SVIL: variants seen among roughly 807,000 people sequenced by gnomAD.
SVIL encodes supervillin, also known as archvillin.
A neutral mutation model predicts 240.4 loss-of-function variants in SVIL; 101 were observed. The observed-to-expected ratio is 0.42, with a 90% CI of 0.36 to 0.50. The LOEUF (loss-of-function observed/expected upper bound fraction) is 0.50. Ranked by LOEUF, SVIL falls within the 20% of genes least tolerant of loss-of-function variation. The pLI, the probability that SVIL is intolerant of heterozygous loss-of-function variation, is 0.01. For synonymous variants in SVIL, 999 were observed against 1,100.0 expected, an observed-to-expected ratio of 0.91 and a Z score of 1.82; for missense variants, 2,512 against 2,818.7, an observed-to-expected ratio of 0.89 and a Z score of 2.46.
At chr10:29,715,456 A>G (rs2132678664) in intron 1 of SVIL, among the ~76,000 whole-genome samples, 1 of 152,342 alleles carries the variant, frequency 6.6e-6, no homozygotes, top group East Asian at 1.9e-4. Context: ...ACCTCTGCCG[A>G]CAACATTCCC....
intron 1 of SVIL, among the ~76,000 whole-genome samples, chr10:29,716,772 T>C (rs574661564): frequency 1.3e-5 from 2 of 152,358 alleles, no homozygotes; most frequent in South Asian, 4.1e-4. Context: ...ATGGAACTGC[T>C]GAAAGAAATA....
chr10:29,689,378 G>A (rs367995837), intron 1 of SVIL, among the ~76,000 whole-genome samples: 15 of 152,018 alleles, frequency 9.9e-5, no homozygotes, highest in African/African-American at 3.4e-4. Flanking sequence ...TCCGCCTCCC[G>A]GGTTCATGTG....
intron 6 of SVIL, among the ~76,000 whole-genome samples, chr10:29,536,477 G>A (rs985891933): frequency 5.3e-5 from 8 of 152,146 alleles, no homozygotes; most frequent in Admixed American, 6.5e-5. Flanking sequence ...AAATGTATAA[G>A]CACATTTTGC....
At chr10:29,661,039 T>A (rs565246736) in intron 2 of SVIL, among the ~76,000 whole-genome samples, 1 of 152,154 alleles carries the variant, frequency 6.6e-6, no homozygotes, top group African/African-American at 2.4e-5. Context: ...TGGTGGCACA[T>A]GCCTGTAGTC....
chr10:29,732,971 G>A (rs1964704735), intron 1 of SVIL, among the ~76,000 whole-genome samples: 1 of 152,110 alleles, frequency 6.6e-6, no homozygotes, highest in Non-Finnish European at 1.5e-5. Context: ...GGCAAAACCA[G>A]GAGAAAAGCT....
intron 1 of SVIL, among the ~76,000 whole-genome samples, chr10:29,619,148 G>C (rs1957534323): frequency 6.6e-6 from 1 of 152,210 alleles, no homozygotes; most frequent in Non-Finnish European, 1.5e-5. Context: ...ACTGACAGAA[G>C]TCATTATGCG....
intron 6 of SVIL, among the ~76,000 whole-genome samples, chr10:29,536,780 G>A (rs559538997): frequency 6.6e-6 from 1 of 152,050 alleles, no homozygotes; most frequent in South Asian, 2.1e-4. Flanking sequence ...GTGTGGTAGT[G>A]GGCACCAGTA....
At chr10:29,701,060 A>G (rs1777305) in intron 1 of SVIL, among the ~76,000 whole-genome samples, 109,549 of 151,944 alleles carry the variant, frequency 0.72, 39,534 homozygotes, top group East Asian at 0.83. Flanking sequence ...TCATATTTGC[A>G]TGTTACAGTG....
chr10:29,554,309 T>TA (rs544036016), intron 5 of SVIL, among the ~76,000 whole-genome samples: 98 of 150,956 alleles, frequency 6.5e-4, no homozygotes, highest in African/African-American at 2.3e-3. Context: ...ACTCTGTCTC[T>TA]AAAAAAAATA....
At chr10:29,660,370 A>T (rs1214939353) in intron 2 of SVIL, among the ~76,000 whole-genome samples, 1 of 152,142 alleles carries the variant, frequency 6.6e-6, no homozygotes, top group Non-Finnish European at 1.5e-5. Context: ...CCAGCACTTT[A>T]GGAGGCCAAA....
chr10:29,546,122 A>T (rs994909722), intron 6 of SVIL, among the ~76,000 whole-genome samples: 4 of 152,220 alleles, frequency 2.6e-5, no homozygotes, highest in African/African-American at 9.6e-5. Context: ...AATTTCTAGT[A>T]GTAGAAGCTC....
chr10:29,601,469 CTT>C (rs1228403101), intron 1 of SVIL, among the ~76,000 whole-genome samples: 1 of 152,244 alleles, frequency 6.6e-6, no homozygotes, highest in African/African-American at 2.4e-5. Flanking sequence ...CATCTAGCCA[CTT>C]TTGTCCCCAG....
At chr10:29,715,812 T>C (rs1963578503) in intron 1 of SVIL, among the ~76,000 whole-genome samples, 1 of 152,244 alleles carries the variant, frequency 6.6e-6, no homozygotes. Flanking sequence ...CATCTAGTTA[T>C]TGATACAAGG....
intron 16 of SVIL, 149 bp from the exon 17 acceptor site, chr10:29,513,010 C>A (rs773325236): frequency 8.2e-7 from 1 of 1,222,986 alleles, no homozygotes; most frequent in African/African-American, 1.5e-5. Flanking sequence ...ATTCGGAAGA[C>A]AGCATGTCTG....
At chr10:29,680,023 T>TA (rs1182097243) in intron 2 of SVIL, among the ~76,000 whole-genome samples, 2 of 151,682 alleles carry the variant, frequency 1.3e-5, no homozygotes, top group Non-Finnish European at 2.9e-5. Flanking sequence ...CTCCTAAAAA[T>TA]AAAAAATTAA....
chr10:29,618,106 GCAGA>G lies in SVIL; in HGVS notation c.-201+16310_-201+16313del, dbSNP rs1957495890. On this transcript the variant is annotated intron_variant, in intron 1 of 37. Transcript: ENST00000355867. ...TGTAAGGAGCTTGCTGACGCAGGCA[GCAGA>G]GCACTGTTCTCCTGGGGAGGCGGGC... 3.9e-5 allele frequency among the ~76,000 whole-genome samples: 6 copies of G among 152,318 alleles called. No individual in the cohort carries two copies. In the South Asian group the frequency reaches 1.2e-3, roughly 32 times the overall value.
intron 29 of SVIL, among the ~76,000 whole-genome samples, chr10:29,476,002 A>G (rs1303084399): frequency 6.6e-6 from 1 of 152,210 alleles, no homozygotes; most frequent in Non-Finnish European, 1.5e-5. Context: ...ATAATTTCTT[A>G]CAGTATTTTG....
chr10:29,470,674 A>T (rs1277385327), intron 31 of SVIL, among the ~76,000 whole-genome samples, 191 bp from the exon 32 acceptor site: 1 of 152,202 alleles, frequency 6.6e-6, no homozygotes, highest in Admixed American at 6.5e-5. Context: ...CCTTCCTGCC[A>T]GCCTAAAAAG....
Position 29,465,729 on chromosome 10 carries a change from G to A in SVIL, c.5999C>T (p.Ala2000Val), listed in dbSNP as rs377177601. 20 of 1,612,444 alleles carry A rather than the reference G, an allele frequency of 1.2e-5. No homozygotes were observed. The highest frequency in any genetic ancestry group is 1.2e-4 in the African/African-American group (9 of 74,868). ...GCTGCTGAGGATGAACAGGCGGGGC[G>A]CGAAGTTAAAACTTCCAGGATCTTT... ...MLQDPGSFNF[A>V]PRLFILSSSS... Residue 2000 changes from alanine (A) to valine (V), a missense_variant, in exon 34 of 38, where the codon GCG (alanine) becomes GTG (valine). Ala to Val is a moderately conservative substitution (Grantham distance 64). This residue lies in a region of SVIL where 797 missense variants were observed against 925.3 expected (regional missense o/e 0.86). Transcript: ENST00000355867.
Sources: gnomAD v4.1 joint callset for allele counts (sites outside exome capture counted in the v4.1 genomes callset) on GRCh38, gnomAD v4.1.1 for gene constraint, gnomAD v4.1.1 regional missense constraint, MANE v1.5 for transcripts, NCBI Gene and HGNC (gene_info 2026-07-23, HGNC 2026-07-21) for gene names.